Variants in CNNM2 observed in about 807,000 individuals in gnomAD.
CNNM2 encodes the protein cyclin and CBS domain divalent metal cation transport mediator 2.
A neutral mutation model predicts 66.9 loss-of-function variants in CNNM2; 12 were observed. That is an observed-to-expected ratio of 0.18 (90% confidence interval 0.11 to 0.29). The LOEUF is 0.29. Among genes scored for constraint, CNNM2 ranks in the 10% least tolerant of loss-of-function variants. CNNM2 has a pLI of 1.00. For synonymous variants in CNNM2, 557 were observed against 501.8 expected (o/e 1.11, Z -1.47); for missense variants, 705 against 1,167.7 (o/e 0.60, Z 5.77).
At chr10:103,008,485 G>T (rs988551324) in intron 1 of CNNM2, among the ~76,000 whole-genome samples, 1 of 152,084 alleles carries the variant, frequency 6.6e-6, no homozygotes, top group Non-Finnish European at 1.5e-5. Flanking sequence ...TGAGTTTCAA[G>T]TGTTTAACTT....
intron 1 of CNNM2, among the ~76,000 whole-genome samples, chr10:102,924,363 G>T (rs1845771067): frequency 6.6e-6 from 1 of 152,166 alleles, no homozygotes; most frequent in Non-Finnish European, 1.5e-5. Context: ...TTGCATTCCA[G>T]TATTGCAGAG....
intron 1 of CNNM2, among the ~76,000 whole-genome samples, chr10:102,994,620 A>G (rs1055143699): frequency 3.3e-5 from 5 of 152,228 alleles, no homozygotes; most frequent in Non-Finnish European, 7.3e-5. Context: ...GACCACTGCC[A>G]TGGTTAGGAA....
intron 1 of CNNM2, among the ~76,000 whole-genome samples, chr10:102,998,379 T>A (rs1278837041): frequency 6.6e-6 from 1 of 152,226 alleles, no homozygotes. Flanking sequence ...AGATAAGTAC[T>A]TTCCATTCTT....
chr10:102,989,475 T>G (rs987988372), intron 1 of CNNM2, among the ~76,000 whole-genome samples: 2 of 150,868 alleles, frequency 1.3e-5, no homozygotes, highest in Admixed American at 1.3e-4. Flanking sequence ...CTTTATGTTC[T>G]TAAAGTGAGT....
intron 1 of CNNM2, among the ~76,000 whole-genome samples, chr10:102,938,118 G>A (rs539432711): frequency 6.6e-6 from 1 of 151,548 alleles, no homozygotes; most frequent in Non-Finnish European, 1.5e-5. Flanking sequence ...GGGCAACATA[G>A]TGAGACCTCA....
intron 1 of CNNM2, among the ~76,000 whole-genome samples, chr10:103,008,778 CAA>C (rs35992147): frequency 9.6e-4 from 102 of 105,724 alleles, no homozygotes; most frequent in African/African-American, 3.3e-3. Flanking sequence ...GACCCTGTCT[CAA>C]AAAAAAAAAA....
In CNNM2 at chr10:102,966,421, G is replaced by A. The variant is rs145444967; in HGVS notation, c.1621+46320G>A. ...GAGGTGGGCAGACATCTGAGGTCAG[G>A]AGTTTGAGGCCAGCCTGGCCAACAT... On this transcript the variant is annotated intron_variant, in intron 1 of 7. Transcript: ENST00000369878. 9.4e-3 allele frequency among the ~76,000 whole-genome samples: 1,427 copies of A among 152,310 alleles called. 9 individuals carry two copies. Among genetic ancestry groups the A allele is most frequent in the Non-Finnish European group, 0.013 (907 of 68,026 alleles).
chr10:102,920,205 G>A, intron 1 of CNNM2, 104 bp downstream of exon 1: 3 of 1,606,838 alleles, frequency 1.9e-6, no homozygotes, highest in Admixed American at 1.7e-5. Context: ...CGAGTTGACC[G>A]GGATTTCTCC....
chr10:102,948,060 A>G (rs887933844), intron 1 of CNNM2, among the ~76,000 whole-genome samples: 2 of 152,170 alleles, frequency 1.3e-5, no homozygotes, highest in South Asian at 4.1e-4. Context: ...TCAAAAAACA[A>G]AAAAACAAAC....
At chr10:102,998,193 T>C (rs1438236285) in intron 1 of CNNM2, among the ~76,000 whole-genome samples, 1 of 152,222 alleles carries the variant, frequency 6.6e-6, no homozygotes, top group Non-Finnish European at 1.5e-5. Context: ...AAATAATGAC[T>C]TCAGGCAGTG....
At chr10:103,059,365 A>G (rs1456171160) in intron 4 of CNNM2, among the ~76,000 whole-genome samples, 1 of 152,238 alleles carries the variant, frequency 6.6e-6, no homozygotes, top group Non-Finnish European at 1.5e-5. Flanking sequence ...CTCTCCCTGC[A>G]GGAAAAAACC....
At chr10:102,938,752 A>G (rs1318353697) in intron 1 of CNNM2, among the ~76,000 whole-genome samples, 1 of 151,934 alleles carries the variant, frequency 6.6e-6, no homozygotes, top group Non-Finnish European at 1.5e-5. Flanking sequence ...AAATAGTCCT[A>G]TGCCTATTAG....
chr10:103,015,362 A>G (rs1293151561), intron 1 of CNNM2, among the ~76,000 whole-genome samples: 2 of 152,196 alleles, frequency 1.3e-5, no homozygotes, highest in South Asian at 2.1e-4. Context: ...CCTGCTCTAG[A>G]GGGAATGGAA....
intron 1 of CNNM2, among the ~76,000 whole-genome samples, chr10:102,947,040 T>C (rs1846641483): frequency 6.6e-6 from 1 of 152,152 alleles, no homozygotes; most frequent in African/African-American, 2.4e-5. Context: ...AGATAGGACA[T>C]GTGAACCATT....
intron 1 of CNNM2, among the ~76,000 whole-genome samples, chr10:102,934,078 A>C (rs1458764190): frequency 2.0e-5 from 3 of 148,898 alleles, no homozygotes; most frequent in Non-Finnish European, 4.5e-5. Context: ...TCCTGGCCTT[A>C]AGCAATCCTA....
rs71019647 is a variant in CNNM2, at chr10:103,009,706, G to GGGAGAAT, written c.1622-39994_1622-39988dup. ...AAAAAAAAAAAAAAAAAAGTATATT[G>GGGAGAAT]GGAGAATGGAGAACCAGAGGGTGGG... On this transcript the variant is annotated intron_variant, in intron 1 of 7. Coordinates refer to ENST00000369878, the MANE Select transcript of CNNM2 (RefSeq NM_017649.5). Among the ~76,000 whole-genome samples, 27,927 of 144,916 alleles carry GGGAGAAT rather than the reference G, an allele frequency of 0.19. 2,927 individuals are homozygous for GGGAGAAT. The highest frequency in any genetic ancestry group is 0.22 in the Non-Finnish European group (14,736 of 67,060).
chr10:103,015,307 G>T (rs7086364), intron 1 of CNNM2, among the ~76,000 whole-genome samples: 1 of 152,106 alleles, frequency 6.6e-6, no homozygotes, highest in African/African-American at 2.4e-5. Context: ...GATTGTCCAA[G>T]CCTGTACCTC....
chr10:103,019,268 C>CAAA (rs545630160), intron 1 of CNNM2, among the ~76,000 whole-genome samples: 64 of 63,620 alleles, frequency 1.0e-3, no homozygotes, highest in African/African-American at 3.7e-3. Flanking sequence ...GACCCTGTCT[C>CAAA]AAAAAAAAAA....
chr10:102,924,289 AG>A (rs1271538422), intron 1 of CNNM2, among the ~76,000 whole-genome samples: 3 of 152,190 alleles, frequency 2.0e-5, no homozygotes, highest in African/African-American at 7.2e-5. Flanking sequence ...GTCTATGCTG[AG>A]GTGCATTTGA....
Sources: gnomAD v4.1 joint callset for allele counts (sites outside exome capture counted in the v4.1 genomes callset) on GRCh38, gnomAD v4.1.1 for gene constraint, MANE v1.5 for transcripts, NCBI Gene and HGNC (gene_info 2026-07-23, HGNC 2026-07-21) for gene names.